SCML4: variants seen among roughly 807,000 people sequenced by gnomAD.
SCML4 encodes the protein Scm polycomb group protein like 4.
Under a neutral mutation model 41.1 loss-of-function variants are expected in SCML4, and 34 were observed. That is an observed-to-expected ratio of 0.83 (90% CI 0.63 to 1.10). The LOEUF (loss-of-function observed/expected upper bound fraction) is 1.10. Among genes scored for constraint, SCML4 ranks in the 50% least tolerant of loss-of-function variants. The probability of loss-of-function intolerance (pLI) is 0.00; values close to 1 mark genes in which losing one functional copy is unlikely to be tolerated. For missense variants in SCML4, 522 were observed against 534.1 expected, an observed-to-expected ratio of 0.98 and a Z score of 0.22; for synonymous variants, 214 against 220.9, an observed-to-expected ratio of 0.97 and a Z score of 0.28.
At position 107,792,866 on chromosome 6, in the gene SCML4, C is replaced by A. The variant is rs79298730; in HGVS notation, c.-59-20480G>T. Among the ~76,000 whole-genome samples the A allele has an allele frequency of 3.6e-4, 55 of 152,208 alleles. 1 individual carries two copies. In the East Asian group the frequency reaches 7.7e-3, roughly 21 times the overall value. The stretch of plus-strand genomic sequence containing the variant: ...ACCTCACTTAGATTTTGGTGTGGGC[C>A]ATTTTATCAAAAAGCTAATGGGAAT... On this transcript the variant is annotated intron_variant, in intron 1 of 7. Transcript: ENST00000369020.
intron 1 of SCML4, among the ~76,000 whole-genome samples, chr6:107,813,068 A>G (rs1474043207): frequency 6.6e-6 from 1 of 152,050 alleles, no homozygotes; most frequent in Non-Finnish European, 1.5e-5. Flanking sequence ...TTATTGTTAA[A>G]AATATAAATA....
At chr6:107,738,922 A>T (rs1171089595) in intron 5 of SCML4, among the ~76,000 whole-genome samples, 6 of 152,090 alleles carry the variant, frequency 3.9e-5, no homozygotes, top group South Asian at 4.1e-4. Flanking sequence ...AACAAGTCAC[A>T]CATATTTGTC....
At chr6:107,707,087 G>A (rs1238635201) in intron 7 of SCML4, among the ~76,000 whole-genome samples, 2 of 152,166 alleles carry the variant, frequency 1.3e-5, no homozygotes, top group East Asian at 3.9e-4. Flanking sequence ...TGTCATCCCA[G>A]CACTTTGGGA....
chr6:107,708,587 G>A (rs1254455325), intron 6 of SCML4, among the ~76,000 whole-genome samples: 1 of 152,096 alleles, frequency 6.6e-6, no homozygotes, highest in Non-Finnish European at 1.5e-5. Context: ...GCCATCCCTG[G>A]TCACACATGC....
At chr6:107,734,105 C>A (rs1250171820) in intron 5 of SCML4, among the ~76,000 whole-genome samples, 2 of 152,076 alleles carry the variant, frequency 1.3e-5, no homozygotes, top group South Asian at 2.1e-4. Context: ...CTGGGGTCAG[C>A]CTTCTAGGAA....
At chr6:107,739,626 T>C (rs1462884744) in intron 5 of SCML4, among the ~76,000 whole-genome samples, 1 of 152,166 alleles carries the variant, frequency 6.6e-6, no homozygotes, top group African/African-American at 2.4e-5. Flanking sequence ...AATGTGGTCC[T>C]ATGGATGTAT....
chr6:107,803,442 C>CT (rs1241387775), intron 1 of SCML4, among the ~76,000 whole-genome samples: 7 of 149,410 alleles, frequency 4.7e-5, no homozygotes, highest in South Asian at 2.1e-4. Context: ...GTCAGCCCCC[C>CT]GCCCGGCCAG....
intron 1 of SCML4, among the ~76,000 whole-genome samples, chr6:107,786,767 G>A (rs1230810158): frequency 6.6e-6 from 1 of 152,174 alleles, no homozygotes; most frequent in East Asian, 1.9e-4. Flanking sequence ...CAGGGTACTT[G>A]TCTTTTGTTT....
intron 1 of SCML4, among the ~76,000 whole-genome samples, chr6:107,816,841 T>C (rs1213175929): frequency 6.6e-6 from 1 of 152,256 alleles, no homozygotes; most frequent in Non-Finnish European, 1.5e-5. Flanking sequence ...ATGAGTGAGC[T>C]AGCTGGAAAA....
chr6:107,800,788 T>A (rs537002098), intron 1 of SCML4, among the ~76,000 whole-genome samples: 6 of 152,334 alleles, frequency 3.9e-5, no homozygotes, highest in Non-Finnish European at 7.3e-5. Context: ...ACATTGCAAG[T>A]CTGGAAGAGG....
upstream of SCML4, among the ~76,000 whole-genome samples, chr6:107,826,869 C>G (rs899114330): frequency 3.3e-5 from 5 of 152,072 alleles, no homozygotes; most frequent in Non-Finnish European, 5.9e-5. Flanking sequence ...CGAGACCATC[C>G]TGGCTAACAC....
chr6:107,799,240 T>C (rs1782928395), intron 1 of SCML4, among the ~76,000 whole-genome samples: 1 of 152,240 alleles, frequency 6.6e-6, no homozygotes, highest in Non-Finnish European at 1.5e-5. Context: ...TTTGAAGCTC[T>C]GTTATTATAG....
At chr6:107,759,962 G>A (rs564762191) in intron 2 of SCML4, among the ~76,000 whole-genome samples, 11 of 152,194 alleles carry the variant, frequency 7.2e-5, no homozygotes, top group East Asian at 1.9e-4. Context: ...CAACTCGCAC[G>A]GGACTCTGAG....
At chr6:107,800,600 A>T (rs1783045195) in intron 1 of SCML4, among the ~76,000 whole-genome samples, 1 of 152,188 alleles carries the variant, frequency 6.6e-6, no homozygotes, top group Admixed American at 6.5e-5. Flanking sequence ...GGGGTATTTT[A>T]AAAATGAATT....
At chr6:107,768,135 T>C (rs1484648555) in intron 2 of SCML4, among the ~76,000 whole-genome samples, 2 of 149,674 alleles carry the variant, frequency 1.3e-5, no homozygotes, top group Non-Finnish European at 3.0e-5. Flanking sequence ...TAGCCAGGCA[T>C]GGTGACGTGC....
intron 1 of SCML4, among the ~76,000 whole-genome samples, chr6:107,781,509 T>A (rs1781494236): frequency 6.6e-6 from 1 of 151,872 alleles, no homozygotes; most frequent in South Asian, 2.1e-4. Flanking sequence ...TAGCCTAGTA[T>A]GGTGGTGTGT....
Position 107,707,851 on chromosome 6 carries a change from C to G in SCML4, c.1119+15G>C, listed in dbSNP as rs1452842256. The G allele has an allele frequency of 6.4e-7, 1 of 1,551,714 alleles. No homozygotes were observed. The highest frequency in any genetic ancestry group is 2.0e-5 in the Admixed American group (1 of 51,006). On this transcript the variant is annotated intron_variant, in intron 7 of 7. Coordinates refer to ENST00000369020, the MANE Select transcript of SCML4 (RefSeq NM_198081.5). ...CCCTCAATCCCCCCCAAGGTCAAAC[C>G]CACCACTCGCATACGTGCTTTCTGA... is the stretch of plus-strand genomic sequence containing the variant.
chr6:107,707,758 A>AC lies in SCML4; in HGVS notation c.1119+107dup, dbSNP rs201668111. The AC allele has an allele frequency of 5.3e-3, 7,393 of 1,403,678 alleles. 348 individuals are homozygous for AC. The African/African-American group carries it at 0.092, about 17-fold the overall frequency. The allele number at this position is 1,403,678 out of a possible 1,614,324, so 87.0% of individuals were successfully genotyped here. A position where few individuals can be genotyped will look rare whatever the true frequency, so the allele number is the denominator to read the frequency against. ...GTGCCCCTAGGGCTTAGTTTAGAGCACCCCTCCACCACCTCCCCTGGCAGC... is the reference window on the plus strand; with the variant it reads ...GTGCCCCTAGGGCTTAGTTTAGAGCACCCCCTCCACCACCTCCCCTGGCAGC... On this transcript the variant is annotated intron_variant, in intron 7 of 7. Transcript: ENST00000369020.
chr6:107,728,128 A>G (rs1776176811), intron 5 of SCML4, among the ~76,000 whole-genome samples: 1 of 152,244 alleles, frequency 6.6e-6, no homozygotes, highest in Non-Finnish European at 1.5e-5. Flanking sequence ...AAAACAGTAC[A>G]CTGCTTATTG....
Sources: allele counts gnomAD v4.1 joint callset (sites outside exome capture counted in the v4.1 genomes callset), GRCh38; gene constraint gnomAD v4.1.1; transcripts MANE v1.5; gene names NCBI Gene and HGNC (gene_info 2026-07-23, HGNC 2026-07-21).